SPOCK3: variants seen among roughly 807,000 people sequenced by gnomAD.
The protein encoded by SPOCK3 is SPARC (osteonectin), cwcv and kazal like domains proteoglycan 3.
SPOCK3 carries 30 observed loss-of-function variants against 56.6 expected under a neutral mutation model. That is an observed-to-expected ratio of 0.53 (90% CI 0.40 to 0.72). The LOEUF (loss-of-function observed/expected upper bound fraction) is 0.72. Among genes scored for constraint, SPOCK3 ranks in the 30% least tolerant of loss-of-function variants. The pLI, the probability that SPOCK3 is intolerant of heterozygous loss-of-function variation, is 0.00. For missense variants in SPOCK3, 527 were observed against 530.0 expected, an observed-to-expected ratio of 0.99 and a Z score of 0.06; for synonymous variants, 196 against 183.3, an observed-to-expected ratio of 1.07 and a Z score of -0.56.
intron 2 of SPOCK3, among the ~76,000 whole-genome samples, chr4:167,130,301 T>C (rs1324552006): frequency 6.6e-6 from 1 of 152,170 alleles, no homozygotes; most frequent in African/African-American, 2.4e-5. Flanking sequence ...ATTGTTTTAA[T>C]TTTTAATTAT....
intron 4 of SPOCK3, among the ~76,000 whole-genome samples, chr4:166,981,232 G>T (rs1348096055): frequency 6.6e-6 from 1 of 152,006 alleles, no homozygotes; most frequent in East Asian, 1.9e-4. Flanking sequence ...GACCCATGGT[G>T]GGTAGCTCCT....
At chr4:167,149,252 T>A (rs930002051) in intron 2 of SPOCK3, among the ~76,000 whole-genome samples, 1 of 152,148 alleles carries the variant, frequency 6.6e-6, no homozygotes, top group Non-Finnish European at 1.5e-5. Context: ...AAATTTCCTA[T>A]GTACTGAGAA....
intron 6 of SPOCK3, among the ~76,000 whole-genome samples, chr4:166,827,485 T>C (rs1745594652): frequency 6.6e-6 from 1 of 152,096 alleles, no homozygotes; most frequent in Non-Finnish European, 1.5e-5. Flanking sequence ...ACACTTACTG[T>C]GCTATGGATT....
intron 6 of SPOCK3, among the ~76,000 whole-genome samples, chr4:166,843,555 T>C (rs1433828321): frequency 6.6e-6 from 1 of 152,088 alleles, no homozygotes; most frequent in East Asian, 1.9e-4. Flanking sequence ...CCACCATGAA[T>C]CTTGTAGTTT....
At chr4:166,936,218 A>G (rs6851188) in intron 4 of SPOCK3, among the ~76,000 whole-genome samples, 83,319 of 151,946 alleles carry the variant, frequency 0.55, 25,509 homozygotes, top group East Asian at 0.81. Flanking sequence ...AGGCTTGACT[A>G]TGCTAATTTT....
chr4:166,949,060 C>T (rs1278067980), intron 4 of SPOCK3, among the ~76,000 whole-genome samples: 1 of 152,070 alleles, frequency 6.6e-6, no homozygotes, highest in Non-Finnish European at 1.5e-5. Flanking sequence ...TCTTTTTTCT[C>T]TAAACTTCCC....
At position 166,912,606 on chromosome 4, in the gene SPOCK3, G is replaced by A. The variant is rs747475960; in HGVS notation, c.474+14C>T. 6.2e-7 allele frequency: 1 copy of A among 1,612,898 alleles called. No individual in the cohort carries two copies. The highest frequency in any genetic ancestry group is 1.3e-5 in the African/African-American group (1 of 74,836). ...ATCCCTTATTTCAAACTAAACAACTGTAGGTGTCTTTACCTGAAAAGAGTA... is the reference window on the plus strand; with the variant it reads ...ATCCCTTATTTCAAACTAAACAACTATAGGTGTCTTTACCTGAAAAGAGTA... On this transcript the variant is annotated intron_variant, in intron 5 of 10. Transcript: ENST00000357545.
At chr4:167,212,889 G>C (rs1338785739) in intron 2 of SPOCK3, among the ~76,000 whole-genome samples, 2 of 152,180 alleles carry the variant, frequency 1.3e-5, no homozygotes, top group African/African-American at 4.8e-5. Context: ...GAAAATTAGA[G>C]TGATTTTTGA....
At chr4:167,079,383 A>G (rs1337835674) in intron 2 of SPOCK3, among the ~76,000 whole-genome samples, 4 of 151,952 alleles carry the variant, frequency 2.6e-5, no homozygotes, top group Non-Finnish European at 5.9e-5. Context: ...TTTTCTTTGA[A>G]CATTTCTGGG....
At chr4:167,221,742 C>G (rs7666037) in intron 2 of SPOCK3, among the ~76,000 whole-genome samples, 6,950 of 152,090 alleles carry the variant, frequency 0.046, 348 homozygotes, top group African/African-American at 0.12. Flanking sequence ...CAAATCAAAA[C>G]CACAATATCA....
intron 3 of SPOCK3, among the ~76,000 whole-genome samples, chr4:167,052,084 T>C (rs895323721): frequency 1.3e-5 from 2 of 152,192 alleles, no homozygotes; most frequent in Non-Finnish European, 2.9e-5. Context: ...ACACAGACCT[T>C]TACACAGTAT....
At chr4:166,891,884 T>C (rs939990758) in intron 5 of SPOCK3, among the ~76,000 whole-genome samples, 2 of 151,982 alleles carry the variant, frequency 1.3e-5, no homozygotes, top group Non-Finnish European at 2.9e-5. Flanking sequence ...ATAGCTAATA[T>C]TACATTTTAC....
At position 166,889,167 on chromosome 4, in the gene SPOCK3, T is replaced by C. The variant is rs779907750; in HGVS notation, c.552A>G (p.Ser184=). The part of the protein sequence containing the change: ...VKCEGHCPCP[S]DKPTSTSRNV... ...TTCTGCTTGTACTGGTGGGCTTATC[T>C]GAAGGACATGGGCAATGTCCTTCAC... is the stretch of plus-strand genomic sequence containing the variant. The change falls in exon 6 of 11, where the codon TCA becomes TCG. Residue 184 remains serine, a synonymous_variant. Transcript: ENST00000357545. The C allele has an allele frequency of 6.2e-7, 1 of 1,611,904 alleles. No individual in the cohort carries two copies. Among genetic ancestry groups the C allele is most frequent in the South Asian group, 1.1e-5 (1 of 91,006 alleles).
At chr4:167,015,690 C>T (rs946706863) in intron 3 of SPOCK3, among the ~76,000 whole-genome samples, 3 of 152,038 alleles carry the variant, frequency 2.0e-5, no homozygotes, top group South Asian at 2.1e-4. Flanking sequence ...TGTTGTTAAA[C>T]GAAACTTTCA....
chr4:167,209,254 A>AAT (rs1180220880), intron 2 of SPOCK3, among the ~76,000 whole-genome samples: 1 of 152,128 alleles, frequency 6.6e-6, no homozygotes, highest in Non-Finnish European at 1.5e-5. Context: ...CTGAACTCCC[A>AAT]ATATATCAGT....
Position 167,205,138 on chromosome 4 carries a change from C to CAT in SPOCK3, c.189+28845_189+28846dup, listed in dbSNP as rs1308323168. On this transcript the variant is annotated intron_variant, in intron 2 of 10. Coordinates refer to ENST00000357545, the MANE Select transcript of SPOCK3 (RefSeq NM_001040159.2). ...CCATGCCTGACTGAAAAAAAAAATA[C>CAT]ATATATATATATTTTATATATATAT... 3.4e-4 allele frequency among the ~76,000 whole-genome samples: 37 copies of CAT among 108,522 alleles called. 1 individual carries two copies. The East Asian group carries it at 4.4e-3, about 13-fold the overall frequency. The allele number at this position is 108,522 out of a possible 152,430, so 71.2% of individuals were successfully genotyped here. A position where few individuals can be genotyped will look rare whatever the true frequency, so the allele number is the denominator to read the frequency against.
At chr4:167,080,570 T>C (rs1020468087) in intron 2 of SPOCK3, among the ~76,000 whole-genome samples, 2 of 151,978 alleles carry the variant, frequency 1.3e-5, no homozygotes, top group African/African-American at 4.8e-5. Flanking sequence ...AGGAGTGACG[T>C]CTAAACAGAG....
chr4:166,733,459 A>T lies in SPOCK3; in HGVS notation c.*1462T>A. ...GAAAATGCATTATACTTTATTACGT[A>T]AAGTCAACATTAAATTTTGTATTGA... On this transcript the variant is annotated 3_prime_UTR_variant, in exon 11 of 11. Coordinates refer to ENST00000357545, the MANE Select transcript of SPOCK3 (RefSeq NM_001040159.2). 1 of 151,916 alleles carries T rather than the reference A, an allele frequency of 6.6e-6. No individual in the cohort carries two copies. The highest frequency in any genetic ancestry group is 1.5e-5 in the Non-Finnish European group (1 of 67,810). 9.4% of individuals were successfully genotyped at this position (151,916 alleles called of 1,614,324 possible).
At chr4:167,099,678 T>A (rs1759461459) in intron 2 of SPOCK3, among the ~76,000 whole-genome samples, 1 of 152,098 alleles carries the variant, frequency 6.6e-6, no homozygotes, top group Non-Finnish European at 1.5e-5. Flanking sequence ...ACCAGGTACA[T>A]AAGCAGTAGT....
Sources: allele counts gnomAD v4.1 joint callset (sites outside exome capture counted in the v4.1 genomes callset), GRCh38; gene constraint gnomAD v4.1.1; transcripts MANE v1.5; gene names NCBI Gene and HGNC (gene_info 2026-07-23, HGNC 2026-07-21).